Variants in THRB observed in about 807,000 individuals in gnomAD.
THRB encodes thyroid hormone receptor beta, also known as nuclear receptor subfamily 1 group A member 2.
In THRB, 12 loss-of-function variants were observed where a neutral mutation model predicts 47.8. That is an observed-to-expected ratio of 0.25 (90% CI 0.16 to 0.41). The LOEUF (loss-of-function observed/expected upper bound fraction) is 0.41, where lower values mean the gene tolerates loss of function less well. Among genes scored for constraint, THRB ranks in the 10% least tolerant of loss-of-function variants. The pLI is 1.00. For synonymous variants in THRB, 218 were observed against 212.2 expected, an observed-to-expected ratio of 1.03 and a Z score of -0.24; for missense variants, 348 against 589.2, an observed-to-expected ratio of 0.59 and a Z score of 4.24.
intron 1 of THRB, among the ~76,000 whole-genome samples, chr3:24,384,931 A>C (rs1462325470): frequency 2.0e-5 from 3 of 152,056 alleles, no homozygotes; most frequent in African/African-American, 7.2e-5. Context: ...ACAGGTACAC[A>C]CCCATGGGAA....
At chr3:24,348,955 T>G (rs1211088235) in intron 1 of THRB, 2 of 152,078 alleles carry the variant, frequency 1.3e-5, no homozygotes, top group East Asian at 1.9e-4. Flanking sequence ...TAATGGTGTA[T>G]GAGGAAAACC....
In THRB at chr3:24,456,649, TA is replaced by T. The variant is rs1294424994; in HGVS notation, c.-261+38002del. 1.1e-4 allele frequency among the ~76,000 whole-genome samples: 17 copies of T among 150,674 alleles called. No homozygotes were observed. The South Asian group carries it at 1.5e-3, about 13-fold the overall frequency. ...ATTAGTTTAATTAAAAATATTAAAT[TA>T]AAATATAAAGATAAGTATTAATTAT... On this transcript the variant is annotated intron_variant, in intron 1 of 10. Coordinates refer to ENST00000646209, the MANE Select transcript of THRB (RefSeq NM_001354712.2).
intron 2 of THRB, among the ~76,000 whole-genome samples, chr3:24,315,877 C>G (rs1051458779): frequency 1.3e-5 from 2 of 152,216 alleles, no homozygotes; most frequent in Admixed American, 6.5e-5. Flanking sequence ...TTATGATCCT[C>G]ATATGTTTAA....
At chr3:24,196,352 A>G (rs1194169149) in intron 4 of THRB, among the ~76,000 whole-genome samples, 1 of 152,198 alleles carries the variant, frequency 6.6e-6, no homozygotes, top group African/African-American at 2.4e-5. Context: ...AAATAAAAAT[A>G]AAAATAAAAA....
In THRB at chr3:24,311,557, A is replaced by G. The variant is rs777329641; in HGVS notation, c.-188-14186T>C. On this transcript the variant is annotated intron_variant, in intron 2 of 10. Transcript: ENST00000646209. ...TGTGACATCTCCCTATCTTTCCCTA[A>G]GCCCCTTTTTTACACCTGAGTCCGT... Among the ~76,000 whole-genome samples, 76 of 152,254 alleles carry G rather than the reference A, an allele frequency of 5.0e-4. 1 individual carries two copies. Among genetic ancestry groups the G allele is most frequent in the Non-Finnish European group, 5.1e-4 (35 of 68,032 alleles).
At chr3:24,246,201 T>G (rs1260779797) in intron 3 of THRB, among the ~76,000 whole-genome samples, 2 of 152,220 alleles carry the variant, frequency 1.3e-5, no homozygotes, top group Non-Finnish European at 1.5e-5. Flanking sequence ...GTTATTGTTA[T>G]GCATAGTTAA....
intron 3 of THRB, among the ~76,000 whole-genome samples, chr3:24,284,470 T>C (rs896107445): frequency 2.0e-5 from 3 of 151,614 alleles, no homozygotes; most frequent in Non-Finnish European, 4.4e-5. Context: ...CCTAAAACCA[T>C]AAAAACCCTA....
At chr3:24,154,946 C>T (rs889444769) in intron 5 of THRB, among the ~76,000 whole-genome samples, 3 of 152,208 alleles carry the variant, frequency 2.0e-5, no homozygotes, top group African/African-American at 7.2e-5. Flanking sequence ...CACTGCTGTA[C>T]TTGTGGGACA....
intron 3 of THRB, among the ~76,000 whole-genome samples, chr3:24,272,377 A>AAAAC (rs1260242506): frequency 2.7e-5 from 4 of 146,008 alleles, no homozygotes; most frequent in Admixed American, 6.7e-5. Flanking sequence ...ACAACAAACA[A>AAAAC]AAACAAACAA....
At chr3:24,210,617 G>A (rs1416600124) in intron 4 of THRB, among the ~76,000 whole-genome samples, 1 of 152,152 alleles carries the variant, frequency 6.6e-6, no homozygotes, top group Non-Finnish European at 1.5e-5. Context: ...AAACTGTGAG[G>A]TTAGTGAGTT....
chr3:24,401,147 T>A (rs777750545), intron 1 of THRB, among the ~76,000 whole-genome samples: 13 of 152,012 alleles, frequency 8.6e-5, no homozygotes, highest in Non-Finnish European at 1.6e-4. Flanking sequence ...AGACTTCAGT[T>A]TACACCTGGC....
chr3:24,182,799 A>G lies in THRB; in HGVS notation c.283+7275T>C, dbSNP rs566990008. On this transcript the variant is annotated intron_variant, in intron 5 of 10. Coordinates refer to ENST00000646209, the MANE Select transcript of THRB (RefSeq NM_001354712.2). The stretch of plus-strand genomic sequence containing the variant: ...GCACCAGAATATGACCTCGGACTGT[A>G]TAAGTAGATACGTGCTGACCTCTAC... Among the ~76,000 whole-genome samples, 11 of 152,338 alleles carry G rather than the reference A, an allele frequency of 7.2e-5. No individual in the cohort carries two copies. In the South Asian group the frequency reaches 1.9e-3, roughly 26 times the overall value.
intron 1 of THRB, among the ~76,000 whole-genome samples, chr3:24,409,991 G>C (rs2068148666): frequency 6.6e-6 from 1 of 151,802 alleles, no homozygotes; most frequent in South Asian, 2.1e-4. Flanking sequence ...ATTTCTAAAA[G>C]CTATTTTCTC....
chr3:24,145,632 A>C (rs1447950403), intron 7 of THRB, among the ~76,000 whole-genome samples: 1 of 152,066 alleles, frequency 6.6e-6, no homozygotes, highest in Non-Finnish European at 1.5e-5. Context: ...CCAGCCTAAC[A>C]CTCTAACATA....
At chr3:24,166,650 G>A (rs2149303567) in intron 5 of THRB, among the ~76,000 whole-genome samples, 1 of 152,234 alleles carries the variant, frequency 6.6e-6, no homozygotes, top group East Asian at 1.9e-4. Flanking sequence ...ACATCAGGAA[G>A]GGCGGATGCT....
chr3:24,149,999 T>G (rs1435240036), intron 6 of THRB, among the ~76,000 whole-genome samples: 1 of 152,226 alleles, frequency 6.6e-6, no homozygotes, highest in African/African-American at 2.4e-5. Context: ...TACTTTGAGA[T>G]GATTCACTGA....
chr3:24,170,859 T>TA (rs879643031), intron 5 of THRB, among the ~76,000 whole-genome samples: 33 of 146,904 alleles, frequency 2.2e-4, no homozygotes, highest in East Asian at 3.9e-4. Context: ...CATGTGCATT[T>TA]AAAAAAAAAA....
intron 2 of THRB, among the ~76,000 whole-genome samples, chr3:24,327,257 A>ACCC (rs553596045): frequency 2.7e-5 from 4 of 150,350 alleles, no homozygotes; most frequent in African/African-American, 9.8e-5. Context: ...ATGCTCAGGG[A>ACCC]CCCCCCCCAC....
chr3:24,451,514 C>T (rs530164208), intron 1 of THRB, among the ~76,000 whole-genome samples: 2 of 152,264 alleles, frequency 1.3e-5, no homozygotes, highest in Non-Finnish European at 1.5e-5. Flanking sequence ...GGATTACAGG[C>T]GTGAGCCACC....
Sources: gnomAD v4.1 joint callset for allele counts (sites outside exome capture counted in the v4.1 genomes callset) on GRCh38, gnomAD v4.1.1 for gene constraint, MANE v1.5 for transcripts, NCBI Gene and HGNC (gene_info 2026-07-23, HGNC 2026-07-21) for gene names.